TTC27: variants seen among roughly 807,000 people sequenced by gnomAD.
The protein encoded by TTC27 is tetratricopeptide repeat protein 27.
A neutral mutation model predicts 115.9 loss-of-function variants in TTC27; 79 were observed. That is an observed-to-expected ratio of 0.68 (90% CI 0.57 to 0.82). The LOEUF is 0.82. TTC27 is among the 40% of genes least tolerant of loss of function. The probability of loss-of-function intolerance (pLI) is 0.00; values close to 1 mark genes in which losing one functional copy is unlikely to be tolerated. For synonymous variants in TTC27, 401 were observed against 356.0 expected (o/e 1.13, Z -1.42); for missense variants, 1,054 against 993.1 (o/e 1.06, Z -0.82).
At chr2:32,742,250 A>G (rs1231739876) in intron 12 of TTC27, among the ~76,000 whole-genome samples, 1 of 152,204 alleles carries the variant, frequency 6.6e-6, no homozygotes, top group Non-Finnish European at 1.5e-5. Context: ...TAAAAATTGG[A>G]TATTAGCTTT....
chr2:32,770,877 A>G (rs763932468), intron 13 of TTC27, among the ~76,000 whole-genome samples: 7 of 152,168 alleles, frequency 4.6e-5, no homozygotes, highest in Admixed American at 1.3e-4. Flanking sequence ...GGATGTTGGA[A>G]CTCACATTCC....
At chr2:32,788,344 C>T (rs1314692297) in intron 16 of TTC27, among the ~76,000 whole-genome samples, 1 of 152,152 alleles carries the variant, frequency 6.6e-6, no homozygotes, top group Non-Finnish European at 1.5e-5. Flanking sequence ...AAAAAGGGAC[C>T]TTAGAAGTCC....
intron 7 of TTC27, among the ~76,000 whole-genome samples, chr2:32,669,682 C>T (rs1007224524): frequency 4.6e-5 from 7 of 151,776 alleles, no homozygotes; most frequent in South Asian, 2.1e-4. Flanking sequence ...GTCAGGAGTT[C>T]GAGACCAACC....
Position 32,678,871 on chromosome 2 carries a change from G to T in TTC27, c.1068G>T (p.Lys356Asn), listed in dbSNP as rs758306165. 2.5e-6 allele frequency: 4 copies of T among 1,611,086 alleles called. No individual in the cohort carries two copies. In the South Asian group the frequency reaches 4.4e-5, roughly 18 times the overall value. ...TAATTTAAAGCACTAATTTTCAAAA[G>T]AATAACCCAGTGCACACATTAACTG... ...IILGICTNFQ[K>N]NNPVHTLTEV... The change falls in exon 9 of 20, where the codon AAG becomes AAT. Residue 356 changes from lysine to asparagine, a missense_variant. By Grantham distance (94) the Lys-to-Asn change is moderately conservative. Transcript: ENST00000317907.
intron 3 of TTC27, among the ~76,000 whole-genome samples, chr2:32,635,644 A>G (rs557772843): frequency 2.7e-4 from 41 of 152,276 alleles, no homozygotes; most frequent in African/African-American, 5.1e-4. Flanking sequence ...AGATCACGCC[A>G]CTGCACTCCA....
In TTC27 at chr2:32,796,129, C is replaced by T. The variant is rs189512175; in HGVS notation, c.1998+8980C>T. Among the ~76,000 whole-genome samples the T allele has an allele frequency of 6.2e-4, 95 of 152,168 alleles. 1 individual carries two copies. The highest frequency in any genetic ancestry group is 4.1e-3 in the Admixed American group (62 of 15,296). On this transcript the variant is annotated intron_variant, in intron 16 of 19. Coordinates refer to ENST00000317907, the MANE Select transcript of TTC27 (RefSeq NM_017735.5). ...GCATAGTAGCAGGATGCAAAGTCAG[C>T]ACACAAAAATCAGCTGCATTTCTGT...
chr2:32,708,295 C>T (rs369120775), intron 10 of TTC27, among the ~76,000 whole-genome samples: 1 of 94,462 alleles, frequency 1.1e-5, no homozygotes. Flanking sequence ...GTTTTCTTTT[C>T]TCTACCTTGT....
intron 10 of TTC27, among the ~76,000 whole-genome samples, chr2:32,710,084 C>A (rs1667523750): frequency 6.6e-6 from 1 of 152,188 alleles, no homozygotes; most frequent in Admixed American, 6.5e-5. Flanking sequence ...GGCATGATCT[C>A]GGCTCACTGA....
chr2:32,698,227 T>G (rs1189659073), intron 9 of TTC27, among the ~76,000 whole-genome samples: 2 of 151,998 alleles, frequency 1.3e-5, no homozygotes, highest in Non-Finnish European at 2.9e-5. Flanking sequence ...TTGACCAGAC[T>G]CAAGTGATCC....
At chr2:32,757,881 T>C (rs1014515551) in intron 12 of TTC27, among the ~76,000 whole-genome samples, 4 of 152,300 alleles carry the variant, frequency 2.6e-5, no homozygotes, top group African/African-American at 9.6e-5. Flanking sequence ...TTTGTATTTT[T>C]AGTAGAGACA....
intron 9 of TTC27, among the ~76,000 whole-genome samples, chr2:32,692,036 G>GTTTTTTTTTTTTTGTTTTTTTTTT: frequency 1.6e-5 from 1 of 61,188 alleles, no homozygotes; most frequent in Non-Finnish European, 2.9e-5. Flanking sequence ...AATTTTTTAG[G>GTTTTTTTTTTTTTGTTTTTTTTTT]TTTTTTTTTT....
At chr2:32,813,378 A>T (rs1478504696) in intron 18 of TTC27, among the ~76,000 whole-genome samples, 1 of 152,238 alleles carries the variant, frequency 6.6e-6, no homozygotes, top group African/African-American at 2.4e-5. Flanking sequence ...AACAAGGAAG[A>T]ATGCAAAGGG....
chr2:32,662,324 A>C (rs1193211319), intron 5 of TTC27, among the ~76,000 whole-genome samples: 3 of 152,042 alleles, frequency 2.0e-5, no homozygotes, highest in African/African-American at 7.2e-5. Context: ...TATTGATTGG[A>C]ATAGTTTCAG....
At chr2:32,798,399 C>CA (rs984616600) in intron 16 of TTC27, among the ~76,000 whole-genome samples, 9 of 133,414 alleles carry the variant, frequency 6.7e-5, no homozygotes, top group South Asian at 2.4e-4. Context: ...GACTCCATCT[C>CA]AAAAAAAAGA....
Position 32,628,182 on chromosome 2 carries a change from C to A in TTC27, c.-111C>A. The A allele has an allele frequency of 1.0e-6, 1 of 973,012 alleles. No homozygotes were observed. The highest frequency in any genetic ancestry group is 1.6e-6 in the Non-Finnish European group (1 of 634,626). The allele number at this position is 973,012 out of a possible 1,614,324, so 60.3% of individuals were successfully genotyped here. On this transcript the variant is annotated 5_prime_UTR_variant, in exon 1 of 20. In the 5' UTR this introduces an upstream ATG that the reference lacks. Transcript: ENST00000317907. ...AGGGCCGCAGGTGTATTTACGGTAACTGTCGCCACTAGATTTCAGCGCCTT... is the reference window on the plus strand; with the variant it reads ...AGGGCCGCAGGTGTATTTACGGTAAATGTCGCCACTAGATTTCAGCGCCTT...
At chr2:32,773,639 T>C (rs1332215009) in intron 13 of TTC27, among the ~76,000 whole-genome samples, 1 of 151,934 alleles carries the variant, frequency 6.6e-6, no homozygotes. Context: ...CTTAGGAGAG[T>C]GAGATTGACC....
At chr2:32,639,082 T>A (rs1259817005) in intron 3 of TTC27, among the ~76,000 whole-genome samples, 1 of 151,338 alleles carries the variant, frequency 6.6e-6, no homozygotes, top group African/African-American at 2.4e-5. Context: ...TCCGCCCGCC[T>A]TGGCCTCCCA....
chr2:32,735,648 T>C (rs1482518466), intron 11 of TTC27, among the ~76,000 whole-genome samples: 2 of 146,492 alleles, frequency 1.4e-5, no homozygotes, highest in African/African-American at 4.9e-5. Context: ...AAAAAGAGAA[T>C]TAGTCTCTAC....
chr2:32,770,475 A>C (rs1034539103), intron 13 of TTC27, among the ~76,000 whole-genome samples: 2 of 152,196 alleles, frequency 1.3e-5, no homozygotes, highest in African/African-American at 4.8e-5. Context: ...GATTTGGTTG[A>C]GGTCAAGTTA....
Sources: allele counts gnomAD v4.1 joint callset (sites outside exome capture counted in the v4.1 genomes callset), GRCh38; gene constraint gnomAD v4.1.1; transcripts MANE v1.5; gene names NCBI Gene and HGNC (gene_info 2026-07-23, HGNC 2026-07-21).